MAPT: variants seen among roughly 807,000 people sequenced by gnomAD.
MAPT encodes the protein microtubule-associated protein tau.
A neutral mutation model predicts 67.9 loss-of-function variants in MAPT; 34 were observed. That is an observed-to-expected ratio of 0.50 (90% CI 0.38 to 0.67). The LOEUF is 0.67. Ranked by LOEUF, MAPT falls within the 30% of genes least tolerant of loss-of-function variation. The pLI, the probability that MAPT is intolerant of heterozygous loss-of-function variation, is 0.00. For synonymous variants in MAPT, 456 were observed against 464.5 expected (o/e 0.98, Z 0.23); for missense variants, 881 against 1,115.2 (o/e 0.79, Z 2.99).
chr17:45,953,032 T>TGATGATGAC (rs1470910535), intron 1 of MAPT, among the ~76,000 whole-genome samples: 3 of 151,692 alleles, frequency 2.0e-5, no homozygotes, highest in South Asian at 2.1e-4. Flanking sequence ...ATGATGATGA[T>TGATGATGAC]GACACCTACC....
intron 3 of MAPT, chr17:45,976,146 C>G (rs1348815684): frequency 1.3e-5 from 2 of 152,298 alleles, no homozygotes; most frequent in African/African-American, 2.4e-5. Context: ...ACATGGGGCC[C>G]ACGGGAAACA....
chr17:45,919,568 C>A (rs1232609428), intron 1 of MAPT, among the ~76,000 whole-genome samples: 2 of 152,214 alleles, frequency 1.3e-5, no homozygotes, highest in Non-Finnish European at 2.9e-5. Flanking sequence ...TACCTTCCCC[C>A]ACTGCTGGGC....
At chr17:45,931,900 A>G (rs2066878225) in intron 1 of MAPT, 1 of 152,050 alleles carries the variant, frequency 6.6e-6, no homozygotes, top group Non-Finnish European at 1.5e-5. Flanking sequence ...TTGCCTGGGC[A>G]ACATAGTGAG....
intron 10 of MAPT, among the ~76,000 whole-genome samples, chr17:46,011,397 A>G (rs1343076579): frequency 6.6e-6 from 1 of 152,202 alleles, no homozygotes; most frequent in African/African-American, 2.4e-5. Context: ...CTTTGTCTCA[A>G]AAAACAATCA....
At chr17:45,913,149 G>A (rs766709051) in intron 1 of MAPT, among the ~76,000 whole-genome samples, 6 of 152,180 alleles carry the variant, frequency 3.9e-5, no homozygotes, top group Non-Finnish European at 5.9e-5. Context: ...GGTTTAATTG[G>A]ACTTACAGTT....
chr17:45,922,359 C>T (rs1040104897), intron 1 of MAPT, among the ~76,000 whole-genome samples: 9 of 152,032 alleles, frequency 5.9e-5, no homozygotes, highest in African/African-American at 2.2e-4. Flanking sequence ...TCAAAATGCC[C>T]AGCCAAAGTG....
chr17:45,983,945 C>A lies in MAPT; in HGVS notation c.1351+15C>A. 6.5e-7 allele frequency: 1 copy of A among 1,532,386 alleles called. No homozygotes were observed. Among genetic ancestry groups the A allele is most frequent in the Non-Finnish European group, 8.7e-7 (1 of 1,143,792 alleles). The allele number at this position is 1,532,386 out of a possible 1,614,324, so 94.9% of individuals were successfully genotyped here. ...TCAACTCAAAGGTCTGTGTCTTGAG[C>A]TTCTTCGCTCCTTCCCTGGGGACCT... On this transcript the variant is annotated intron_variant, in intron 5 of 12. Coordinates refer to ENST00000262410, the MANE Select transcript of MAPT (RefSeq NM_001377265.1).
At chr17:45,959,210 T>C (rs1416080572) in intron 1 of MAPT, among the ~76,000 whole-genome samples, 1 of 152,220 alleles carries the variant, frequency 6.6e-6, no homozygotes, top group African/African-American at 2.4e-5. Flanking sequence ...GCCCTCCACG[T>C]ACAGCCTCCC....
At chr17:45,963,095 A>T (rs983593603) in intron 2 of MAPT, among the ~76,000 whole-genome samples, 5 of 152,186 alleles carry the variant, frequency 3.3e-5, no homozygotes, top group African/African-American at 4.8e-5. Context: ...TAGCATGTAA[A>T]ATATGTGACT....
intron 1 of MAPT, among the ~76,000 whole-genome samples, chr17:45,933,529 C>T (rs774503129): frequency 5.3e-5 from 8 of 150,612 alleles, no homozygotes; most frequent in South Asian, 2.1e-4. Flanking sequence ...CGTGAGCCAC[C>T]GTGCCTAGCC....
intron 1 of MAPT, chr17:45,898,195 G>C (rs1051913968): frequency 6.6e-6 from 1 of 152,248 alleles, no homozygotes; most frequent in Non-Finnish European, 1.5e-5. Flanking sequence ...ACCTGGCTTG[G>C]CTCTTGGGTT....
chr17:45,973,862 T>C (rs58331591), intron 3 of MAPT: 7,265 of 160,872 alleles, frequency 0.045, 566 homozygotes, highest in African/African-American at 0.17. Flanking sequence ...TTGTGGGTCA[T>C]GGGCTTGGAT....
chr17:46,011,312 C>T (rs996994926), intron 10 of MAPT, among the ~76,000 whole-genome samples: 3 of 152,186 alleles, frequency 2.0e-5, no homozygotes, highest in Admixed American at 2.0e-4. Flanking sequence ...GGGAGGATTG[C>T]CTGAGTCCGG....
chr17:46,003,363 C>A (rs548388356), intron 9 of MAPT, among the ~76,000 whole-genome samples: 44 of 151,826 alleles, frequency 2.9e-4, no homozygotes, highest in Admixed American at 1.4e-3. Flanking sequence ...ACTGCAACCT[C>A]CGCCTCCCAG....
chr17:46,012,691 G>A (rs545533150), intron 10 of MAPT, among the ~76,000 whole-genome samples: 9 of 151,922 alleles, frequency 5.9e-5, no homozygotes, highest in South Asian at 4.2e-4. Context: ...CCTGACCACC[G>A]GCCCTGGCTC....
At chr17:45,939,064 T>G (rs938037347) in intron 1 of MAPT, among the ~76,000 whole-genome samples, 7 of 152,154 alleles carry the variant, frequency 4.6e-5, no homozygotes, top group African/African-American at 1.7e-4. Flanking sequence ...TCCACCAACC[T>G]CAGCCTCTCA....
At chr17:45,994,081 G>T (rs891045818) in intron 8 of MAPT, 2 of 1,124,518 alleles carry the variant, frequency 1.8e-6, no homozygotes, top group African/African-American at 3.1e-5. Context: ...GCAATGCAGG[G>T]TTCACACAGG....
chr17:46,006,571 A>G (rs559248297), intron 9 of MAPT, among the ~76,000 whole-genome samples: 6 of 152,008 alleles, frequency 3.9e-5, no homozygotes, highest in African/African-American at 1.5e-4. Context: ...AAAACAACTA[A>G]AAGAGTGTAA....
chr17:45,941,681 TCCTTCCTTCCTTCCTTCCTGCCTG>T lies in MAPT; in HGVS notation c.-17-20620_-17-20597del, dbSNP rs1306821923. 9.7e-4 allele frequency among the ~76,000 whole-genome samples: 41 copies of T among 42,110 alleles called. 2 individuals are homozygous for T. Among genetic ancestry groups the T allele is most frequent in the South Asian group, 5.7e-3 (4 of 702 alleles). The allele number at this position is 42,110 out of a possible 152,430, so 27.6% of individuals were successfully genotyped here. ...ACCCTTCCCCCCTTCCCCCCTTCCC[TCCTTCCTTCCTTCCTTCCTGCCTG>T]CCTTCCTTCCTTCCTTCCTTCCTTC... On this transcript the variant is annotated intron_variant, in intron 1 of 12. Transcript: ENST00000262410.
Sources: allele counts gnomAD v4.1 joint callset (sites outside exome capture counted in the v4.1 genomes callset), GRCh38; gene constraint gnomAD v4.1.1; transcripts MANE v1.5; gene names NCBI Gene and HGNC (gene_info 2026-07-23, HGNC 2026-07-21).